Variants in CADM2 observed in about 807,000 individuals in gnomAD.
CADM2 encodes the protein cell adhesion molecule 2.
Under a neutral mutation model 49.8 loss-of-function variants are expected in CADM2, and 12 were observed. That is an observed-to-expected ratio of 0.24 (90% CI 0.15 to 0.39). CADM2 has a LOEUF of 0.39. CADM2 is among the 10% of genes least tolerant of loss of function. The pLI is 1.00. For missense variants in CADM2, 378 were observed against 492.3 expected (o/e 0.77, Z 2.20); for synonymous variants, 214 against 175.4 (o/e 1.22, Z -1.74).
chr3:86,044,536 G>A (rs947423061), intron 8 of CADM2, among the ~76,000 whole-genome samples: 5 of 152,130 alleles, frequency 3.3e-5, no homozygotes, highest in African/African-American at 9.7e-5. Flanking sequence ...AGTTAGAATG[G>A]CGATCATTAA....
At chr3:85,116,341 CA>C (rs2107580401) in intron 1 of CADM2, among the ~76,000 whole-genome samples, 1 of 152,190 alleles carries the variant, frequency 6.6e-6, no homozygotes, top group South Asian at 2.1e-4. Context: ...AACAAACAAA[CA>C]ACAAACCAAA....
intron 7 of CADM2, among the ~76,000 whole-genome samples, chr3:85,948,469 A>G (rs973701956): frequency 3.3e-5 from 5 of 151,444 alleles, no homozygotes; most frequent in African/African-American, 1.2e-4. Context: ...TAAATATACA[A>G]AGGAAATAAA....
At chr3:85,758,114 G>A (rs2069204068) in intron 2 of CADM2, among the ~76,000 whole-genome samples, 1 of 152,150 alleles carries the variant, frequency 6.6e-6, no homozygotes, top group Non-Finnish European at 1.5e-5. Context: ...ATATATATAA[G>A]CTGGGAAATG....
intron 2 of CADM2, among the ~76,000 whole-genome samples, chr3:85,775,923 CA>C: frequency 6.6e-6 from 1 of 151,756 alleles, no homozygotes; most frequent in South Asian, 2.1e-4. Context: ...ATTTTTAGAG[CA>C]AAAGAAGAAA....
intron 5 of CADM2, among the ~76,000 whole-genome samples, chr3:85,902,133 TTGAG>T (rs1293112938): frequency 2.6e-5 from 4 of 152,064 alleles, no homozygotes; most frequent in African/African-American, 4.8e-5. Flanking sequence ...TTCAATTCTC[TTGAG>T]TATATTCCTG....
chr3:85,751,141 G>T (rs534191926), intron 2 of CADM2, among the ~76,000 whole-genome samples: 5 of 152,038 alleles, frequency 3.3e-5, no homozygotes, highest in African/African-American at 1.2e-4. Context: ...GAGAGGTGAG[G>T]CAAAAACTGG....
intron 1 of CADM2, among the ~76,000 whole-genome samples, chr3:85,529,914 A>G (rs1156489988): frequency 6.6e-6 from 1 of 152,054 alleles, no homozygotes; most frequent in Non-Finnish European, 1.5e-5. Flanking sequence ...TTCTGTTAAC[A>G]ACTTACTTTT....
intron 1 of CADM2, among the ~76,000 whole-genome samples, chr3:85,656,720 T>C (rs1051243888): frequency 3.3e-5 from 5 of 152,304 alleles, no homozygotes; most frequent in Non-Finnish European, 5.9e-5. Flanking sequence ...AATTGCTTCT[T>C]ATGTGAGTGT....
intron 5 of CADM2, among the ~76,000 whole-genome samples, chr3:85,899,981 T>A (rs1715885543): frequency 6.6e-6 from 1 of 152,108 alleles, no homozygotes; most frequent in African/African-American, 2.4e-5. Context: ...GCAAACTGAT[T>A]TTGCCTTCCA....
At chr3:85,637,621 A>AAAATAAAATAAAATAAAATAAAATAAAAT (rs2064548646) in intron 1 of CADM2, among the ~76,000 whole-genome samples, 2 of 114,516 alleles carry the variant, frequency 1.7e-5, no homozygotes, top group African/African-American at 3.8e-5. Context: ...AAAAAAAAAA[A>AAAATAAAATAAAATAAAATAAAATAAAAT]AAAATAAAAT....
chr3:85,660,351 A>G (rs1461870128), intron 1 of CADM2, among the ~76,000 whole-genome samples: 1 of 151,962 alleles, frequency 6.6e-6, no homozygotes, highest in Non-Finnish European at 1.5e-5. Flanking sequence ...TTTTCAGAGA[A>G]CAGCAGATAG....
intron 3 of CADM2, among the ~76,000 whole-genome samples, chr3:85,852,702 A>G (rs778805259): frequency 4.6e-5 from 7 of 152,248 alleles, no homozygotes; most frequent in Admixed American, 2.6e-4. Flanking sequence ...AAAACATTTT[A>G]TAACTAAATT....
At chr3:85,659,590 CA>C (rs1168992960) in intron 1 of CADM2, among the ~76,000 whole-genome samples, 6 of 152,122 alleles carry the variant, frequency 3.9e-5, no homozygotes, top group Admixed American at 3.3e-4. Context: ...GATCTCCTTT[CA>C]TTCAGAATTC....
chr3:85,909,631 C>G (rs976559056), intron 5 of CADM2, among the ~76,000 whole-genome samples: 5 of 151,994 alleles, frequency 3.3e-5, no homozygotes, highest in African/African-American at 1.2e-4. Context: ...CTACTGAATG[C>G]GAATCTGCAT....
intron 1 of CADM2, among the ~76,000 whole-genome samples, chr3:85,707,042 C>G (rs2066971214): frequency 1.3e-5 from 2 of 152,162 alleles, no homozygotes; most frequent in Non-Finnish European, 2.9e-5. Context: ...TCATGGCTCA[C>G]TGCAACCTCA....
At chr3:85,193,114 G>T (rs1458850814) in intron 1 of CADM2, among the ~76,000 whole-genome samples, 1 of 151,988 alleles carries the variant, frequency 6.6e-6, no homozygotes, top group Non-Finnish European at 1.5e-5. Context: ...TTTCCAAGTA[G>T]GAAGTCTTGA....
intron 2 of CADM2, among the ~76,000 whole-genome samples, chr3:85,735,484 C>A (rs1285795110): frequency 6.6e-6 from 1 of 152,064 alleles, no homozygotes; most frequent in Non-Finnish European, 1.5e-5. Context: ...TTTTTGGTAT[C>A]CTTCAAGTGA....
At chr3:85,675,651 A>G (rs1009441220) in intron 1 of CADM2, among the ~76,000 whole-genome samples, 7 of 152,142 alleles carry the variant, frequency 4.6e-5, no homozygotes, top group East Asian at 1.9e-4. Context: ...TTTAATGACA[A>G]TTTTTGATGG....
At chr3:85,878,692 C>T (rs1420682690) in intron 3 of CADM2, among the ~76,000 whole-genome samples, 1 of 152,022 alleles carries the variant, frequency 6.6e-6, no homozygotes, top group East Asian at 1.9e-4. Flanking sequence ...CAAATCAGTA[C>T]CTTTAGCCTT....
Sources: allele counts gnomAD v4.1 joint callset (sites outside exome capture counted in the v4.1 genomes callset), GRCh38; gene constraint gnomAD v4.1.1; transcripts MANE v1.5; gene names NCBI Gene and HGNC (gene_info 2026-07-23, HGNC 2026-07-21).